AIG1: variants seen among roughly 807,000 people sequenced by gnomAD.
AIG1 encodes the protein androgen induced 1, also known as androgen-induced gene 1 protein.
Under a neutral mutation model 31.4 loss-of-function variants are expected in AIG1, and 23 were observed. The observed-to-expected ratio is 0.73, with a 90% confidence interval of 0.53 to 1.04. The LOEUF is 1.04. Among genes scored for constraint, AIG1 ranks in the 50% least tolerant of loss-of-function variants. The pLI is 0.00. For synonymous variants in AIG1, 100 were observed against 110.5 expected (o/e 0.90, Z 0.60); for missense variants, 274 against 295.0 (o/e 0.93, Z 0.52).
chr6:143,218,563 G>T (rs1792212314), intron 3 of AIG1, among the ~76,000 whole-genome samples: 2 of 152,102 alleles, frequency 1.3e-5, no homozygotes, highest in South Asian at 4.1e-4. Context: ...CAAATCTTTA[G>T]ATTTCTTGCT....
intron 1 of AIG1, among the ~76,000 whole-genome samples, chr6:143,080,161 T>C (rs1374670370): frequency 6.6e-6 from 1 of 152,096 alleles, no homozygotes; most frequent in Non-Finnish European, 1.5e-5. Flanking sequence ...CCAAGTGCTG[T>C]TGGGGAGGTT....
chr6:143,327,730 G>A lies in AIG1; in HGVS notation c.516-5552G>A, dbSNP rs1027296560. The A allele has an allele frequency of 6.0e-6, 1 of 166,320 alleles. No individual in the cohort carries two copies. The highest frequency in any genetic ancestry group is 2.4e-5 in the African/African-American group (1 of 41,520). The allele number at this position is 166,320 out of a possible 1,614,324, so 10.3% of individuals were successfully genotyped here. ...AAAAAAGATAATGGATTAACTAAAT[G>A]TGATGAAAGAGAGGGAAGTATCAAA... is the stretch of plus-strand genomic sequence containing the variant. On this transcript the variant is annotated intron_variant, in intron 4 of 5. Transcript: ENST00000357847. This position sits in a 1 kb window ranked among gnomAD's most constrained non-coding sequence, Gnocchi z 5.3.
intron 3 of AIG1, among the ~76,000 whole-genome samples, chr6:143,219,907 A>G (rs1053230210): frequency 7.2e-5 from 11 of 152,172 alleles, no homozygotes; most frequent in African/African-American, 2.7e-4. Flanking sequence ...TCACTACACA[A>G]CGGCATTGCT....
intron 4 of AIG1, among the ~76,000 whole-genome samples, chr6:143,306,739 C>T (rs1041950952): frequency 2.0e-5 from 3 of 151,970 alleles, no homozygotes; most frequent in Admixed American, 1.3e-4. Context: ...TGAATCTGAA[C>T]GTTGGCCTGC....
At chr6:143,318,906 G>C in intron 4 of AIG1, among the ~76,000 whole-genome samples, 1 of 152,140 alleles carries the variant, frequency 6.6e-6, no homozygotes, top group East Asian at 1.9e-4. Flanking sequence ...TCAGGGAAAT[G>C]AAAATCAAAA....
chr6:143,210,824 G>T (rs1791529329), intron 3 of AIG1, among the ~76,000 whole-genome samples: 1 of 152,192 alleles, frequency 6.6e-6, no homozygotes, highest in Non-Finnish European at 1.5e-5. Context: ...TGGCAAAATT[G>T]TGTCTTCTGC....
At chr6:143,198,393 C>T (rs1461937618) in intron 3 of AIG1, among the ~76,000 whole-genome samples, 1 of 152,176 alleles carries the variant, frequency 6.6e-6, no homozygotes, top group Non-Finnish European at 1.5e-5. Context: ...AATCTGACAG[C>T]TAGTAATAAT....
At position 143,291,506 on chromosome 6, in the gene AIG1, G is replaced by C. The variant is rs1008537930; in HGVS notation, c.515+7281G>C. Among the ~76,000 whole-genome samples, 8 of 152,218 alleles carry C rather than the reference G, an allele frequency of 5.3e-5. No homozygotes were observed. The highest frequency in any genetic ancestry group is 4.4e-5 in the Non-Finnish European group (3 of 68,042). ...CGCAGAGGTGAGCACCTGGACTTCA[G>C]CCTCACAGCACTAATCAGTGGGAAG... On this transcript the variant is annotated intron_variant, in intron 4 of 5. Transcript: ENST00000357847. The surrounding 1 kb of genome is among the most constrained non-coding windows in gnomAD (Gnocchi z 4.2).
intron 3 of AIG1, among the ~76,000 whole-genome samples, chr6:143,238,854 A>G (rs527905371): frequency 2.0e-5 from 3 of 152,374 alleles, no homozygotes; most frequent in South Asian, 4.1e-4. Context: ...AGAGACTCCT[A>G]TAAAATCTGT....
chr6:143,187,675 C>T (rs1188990949), intron 3 of AIG1: 1 of 1,536,118 alleles, frequency 6.5e-7, no homozygotes, highest in Non-Finnish European at 8.7e-7. Flanking sequence ...AAACGCCCAT[C>T]TGACTTTGAA....
intron 3 of AIG1, among the ~76,000 whole-genome samples, chr6:143,214,146 G>C (rs139086819): frequency 3.9e-5 from 6 of 152,130 alleles, no homozygotes; most frequent in African/African-American, 1.4e-4. Flanking sequence ...AAATGCCTCC[G>C]TGTTTTCCTA....
chr6:143,110,692 G>GT lies in AIG1; in HGVS notation c.142-26135dup, dbSNP rs1485150662. On this transcript the variant is annotated intron_variant, in intron 1 of 5. Transcript: ENST00000357847. ...TTGAACCTTGAGGAGGAGGTGCGGA[G>GT]TTTTTTTTGGTTGTTGGTTTGAGGT... Among the ~76,000 whole-genome samples, 53 of 152,102 alleles carry GT rather than the reference G, an allele frequency of 3.5e-4. No homozygotes were observed. In the East Asian group the frequency reaches 9.7e-3, roughly 28 times the overall value.
At chr6:143,177,478 G>A (rs553742362) in intron 3 of AIG1, among the ~76,000 whole-genome samples, 3 of 152,172 alleles carry the variant, frequency 2.0e-5, no homozygotes, top group Admixed American at 1.3e-4. Flanking sequence ...ATATGTATAC[G>A]TATCATAAAT....
intron 1 of AIG1, among the ~76,000 whole-genome samples, chr6:143,072,637 A>G (rs943797930): frequency 2.0e-5 from 3 of 151,958 alleles, no homozygotes; most frequent in African/African-American, 7.2e-5. Flanking sequence ...TTTCTATTCC[A>G]AGTTTGCCGA....
At chr6:143,266,483 C>T (rs1489209462) in intron 3 of AIG1, among the ~76,000 whole-genome samples, 1 of 152,058 alleles carries the variant, frequency 6.6e-6, no homozygotes, top group South Asian at 2.1e-4. Context: ...AGGGTAGACC[C>T]TAAGTGTTAA....
At chr6:143,308,467 C>A (rs548016307) in intron 4 of AIG1, among the ~76,000 whole-genome samples, 3 of 152,306 alleles carry the variant, frequency 2.0e-5, no homozygotes, top group South Asian at 2.1e-4. Context: ...AACACCTGGG[C>A]TTGCTCATTG....
chr6:143,131,120 C>T (rs1783194925), intron 1 of AIG1, among the ~76,000 whole-genome samples: 1 of 152,114 alleles, frequency 6.6e-6, no homozygotes, highest in Non-Finnish European at 1.5e-5. Context: ...ATAATCCCTG[C>T]CTTTGCATTG....
chr6:143,300,063 T>C lies in AIG1; in HGVS notation c.515+15838T>C, dbSNP rs373772780. On this transcript the variant is annotated intron_variant, in intron 4 of 5. Transcript: ENST00000357847. ...CAGATGAGCCCCATGTCTGGCATGATGCCTGCTGCCTAAGAGGGGCTCAAT... is the reference window on the plus strand; with the variant it reads ...CAGATGAGCCCCATGTCTGGCATGACGCCTGCTGCCTAAGAGGGGCTCAAT... Among the ~76,000 whole-genome samples the C allele has an allele frequency of 8.5e-5, 13 of 152,326 alleles. No homozygotes were observed. In the East Asian group the frequency reaches 1.2e-3, roughly 14 times the overall value.
upstream of AIG1, chr6:143,060,540 C>A: frequency 3.3e-6 from 1 of 300,612 alleles, no homozygotes; most frequent in South Asian, 2.3e-5. Flanking sequence ...GATCAGCGCG[C>A]ACTTCCCGAG....
Sources: gnomAD v4.1 joint callset for allele counts (sites outside exome capture counted in the v4.1 genomes callset) on GRCh38, gnomAD v4.1.1 for gene constraint, Gnocchi (gnomAD v3.1) non-coding constraint, MANE v1.5 for transcripts, NCBI Gene and HGNC (gene_info 2026-07-23, HGNC 2026-07-21) for gene names.